Variants in SPOUT1 observed in about 807,000 individuals in gnomAD.
The protein encoded by SPOUT1 is 28S rRNA (uridine-N(3))-methyltransferase.
A neutral mutation model predicts 54.8 loss-of-function variants in SPOUT1; 40 were observed. That is an observed-to-expected ratio of 0.73 (90% CI 0.57 to 0.95). The LOEUF (loss-of-function observed/expected upper bound fraction) is 0.95. Among genes scored for constraint, SPOUT1 ranks in the 40% least tolerant of loss-of-function variants. SPOUT1 has a pLI of 0.00. For missense variants in SPOUT1, 437 were observed against 499.5 expected, an observed-to-expected ratio of 0.87 and a Z score of 1.19; for synonymous variants, 193 against 200.3, an observed-to-expected ratio of 0.96 and a Z score of 0.31.
Position 128,826,232 on chromosome 9 carries a change from G to C in SPOUT1, c.509-80C>G, listed in dbSNP as rs1047667954. 3.8e-6 allele frequency: 6 copies of C among 1,559,020 alleles called. No individual in the cohort carries two copies. Among genetic ancestry groups the C allele is most frequent in the Non-Finnish European group, 4.4e-6 (5 of 1,144,038 alleles). On this transcript the variant is annotated intron_variant, in intron 6 of 11. Coordinates refer to ENST00000361256, the MANE Select transcript of SPOUT1 (RefSeq NM_016390.4). This position sits in a 1 kb window ranked among gnomAD's most constrained non-coding sequence, Gnocchi z 5.5. ...GTGGGGACCCTGGAGCGGAGTACCG[G>C]CTCTGCCACAGACCTGCGTCTTGGC... is the stretch of plus-strand genomic sequence containing the variant.
Position 128,824,183 on chromosome 9 carries a change from G to GCACCAGCTCA in SPOUT1, c.812-10_812-9insTGAGCTGGTG. On this transcript the variant is annotated splice_polypyrimidine_tract_variant and intron_variant, in intron 9 of 11. Coordinates refer to ENST00000361256, the MANE Select transcript of SPOUT1 (RefSeq NM_016390.4). ...CTCAGCAAACACAGCACCTGGGGGT[G>GCACCAGCTCA]GGGCCAGCTCAGTGCAGGTCCTGCT... The GCACCAGCTCA allele has an allele frequency of 1.3e-6, 2 of 1,582,138 alleles. No individual in the cohort carries two copies. The highest frequency in any genetic ancestry group is 1.7e-6 in the Non-Finnish European group (2 of 1,152,006).
chr9:128,824,353 T>C (rs2977992), intron 9 of SPOUT1, among the ~76,000 whole-genome samples, 179 bp from the exon 10 acceptor site: 148,281 of 151,098 alleles, frequency 0.98, 72,819 homozygotes, highest in Middle Eastern at 1. Flanking sequence ...TGTGTGTGCA[T>C]TGAGGCAGGG....
Position 128,820,672 on chromosome 9 carries a change from G to A in SPOUT1, c.*2093C>T. The stretch of plus-strand genomic sequence containing the variant: ...GCCTGTCCATCCCCTCAGGACCTGG[G>A]GCGGCCCTCTGATAGAGGAGGAAGG... On this transcript the variant is annotated 3_prime_UTR_variant, in exon 12 of 12. Coordinates refer to ENST00000361256, the MANE Select transcript of SPOUT1 (RefSeq NM_016390.4). 7.4e-7 allele frequency: 1 copy of A among 1,358,906 alleles called. No homozygotes were observed. Among genetic ancestry groups the A allele is most frequent in the South Asian group, 1.2e-5 (1 of 80,558 alleles). The allele number at this position is 1,358,906 out of a possible 1,614,324, so 84.2% of individuals were successfully genotyped here.
chr9:128,829,611 G>A, intron 1 of SPOUT1, 134 bp downstream of exon 1: 1 of 695,724 alleles, frequency 1.4e-6, no homozygotes, highest in East Asian at 2.8e-5. Context: ...CGGCACCTTC[G>A]GGGGCTTCCG....
chr9:128,825,912 C>G lies in SPOUT1; in HGVS notation c.639+110G>C. ...ACAATTCTCTGGCCCAAATTTGCAT[C>G]AGTGAGGGATTTCGGGCAGGTCCAG... On this transcript the variant is annotated intron_variant, in intron 7 of 11. Coordinates refer to ENST00000361256, the MANE Select transcript of SPOUT1 (RefSeq NM_016390.4). 2.1e-6 allele frequency: 3 copies of G among 1,402,068 alleles called. No individual in the cohort carries two copies. The South Asian group carries it at 3.8e-5, about 18-fold the overall frequency. 86.9% of individuals were successfully genotyped at this position (1,402,068 alleles called of 1,614,324 possible). A position where few individuals can be genotyped will look rare whatever the true frequency, so the allele number is the denominator to read the frequency against.
chr9:128,822,718 C>G lies in SPOUT1; in HGVS notation c.*47G>C, dbSNP rs1330934663. ...TCCGTCCCAAGTGACCTGCAGAGCC[C>G]CTGGTTTCACTGCTGCTTCACTGAT... On this transcript the variant is annotated 3_prime_UTR_variant, in exon 12 of 12. Coordinates refer to ENST00000361256, the MANE Select transcript of SPOUT1 (RefSeq NM_016390.4). The G allele has an allele frequency of 6.4e-7, 1 of 1,555,868 alleles. No individual in the cohort carries two copies. Among genetic ancestry groups the G allele is most frequent in the Non-Finnish European group, 8.7e-7 (1 of 1,149,044 alleles).
chr9:128,822,021 C>G lies in SPOUT1; in HGVS notation c.*744G>C, dbSNP rs1200473115. 2 of 397,596 alleles carry G rather than the reference C, an allele frequency of 5.0e-6. No homozygotes were observed. The highest frequency in any genetic ancestry group is 4.1e-5 in the African/African-American group (2 of 49,114). The allele number at this position is 397,596 out of a possible 1,614,324, so 24.6% of individuals were successfully genotyped here. A position where few individuals can be genotyped will look rare whatever the true frequency, so the allele number is the denominator to read the frequency against. On this transcript the variant is annotated 3_prime_UTR_variant, in exon 12 of 12. Coordinates refer to ENST00000361256, the MANE Select transcript of SPOUT1 (RefSeq NM_016390.4). ...GCTCACCTCTGTGGGGAGAGATGGA[C>G]AGTCGTTAAGTCTCCCCTCAGACGA...
In SPOUT1 at chr9:128,824,178, G is replaced by C. The variant is rs752532982; in HGVS notation, c.812-4C>G. On this transcript the variant is annotated splice_region_variant and splice_polypyrimidine_tract_variant and intron_variant, in intron 9 of 11. Coordinates refer to ENST00000361256, the MANE Select transcript of SPOUT1 (RefSeq NM_016390.4). ...GGGGCCTCAGCAAACACAGCACCTG[G>C]GGGTGGGGCCAGCTCAGTGCAGGTC... 12 of 1,596,422 alleles carry C rather than the reference G, an allele frequency of 7.5e-6. No homozygotes were observed. Among genetic ancestry groups the C allele is most frequent in the Middle Eastern group, 1.7e-4 (1 of 6,032 alleles).
rs1205492903 is a variant in SPOUT1, at chr9:128,827,262, GT to G, written c.209-72del. On this transcript the variant is annotated intron_variant, in intron 3 of 11. Coordinates refer to ENST00000361256, the MANE Select transcript of SPOUT1 (RefSeq NM_016390.4). ...CCCCTACCTTTCTCTCCCTTCCTCT[GT>G]CCCTAGCGCCCATGGTTTGAGAATT... 70 of 1,406,128 alleles carry G rather than the reference GT, an allele frequency of 5.0e-5. 1 individual carries two copies. Among genetic ancestry groups the G allele is most frequent in the Non-Finnish European group, 4.8e-6 (5 of 1,033,608 alleles). The allele number at this position is 1,406,128 out of a possible 1,614,324, so 87.1% of individuals were successfully genotyped here. A position where few individuals can be genotyped will look rare whatever the true frequency, so the allele number is the denominator to read the frequency against.
rs1830089689 is a variant in SPOUT1, at chr9:128,820,548, A to T, written c.*2217T>A. On this transcript the variant is annotated 3_prime_UTR_variant, in exon 12 of 12. Coordinates refer to ENST00000361256, the MANE Select transcript of SPOUT1 (RefSeq NM_016390.4). ...GACACCTGGGCTGTGGGAGGGACAG[A>T]GGGTGGTGGCTAGCACTCTATCAGC... is the stretch of plus-strand genomic sequence containing the variant. The T allele has an allele frequency of 1.7e-6, 1 of 588,796 alleles. No homozygotes were observed. Among genetic ancestry groups the T allele is most frequent in the Admixed American group, 3.0e-5 (1 of 33,780 alleles). 36.5% of individuals were successfully genotyped at this position (588,796 alleles called of 1,614,324 possible).
rs543919689 is a variant in SPOUT1, at chr9:128,822,590, A to G, written c.*175T>C. On this transcript the variant is annotated 3_prime_UTR_variant, in exon 12 of 12. Transcript: ENST00000361256. Reference sequence around the variant, plus strand: ...GGCGCGGGCAGGCAGCCTCAAGGCCATCACGGCGGGCAGTAAGTGAGGGTG... The same window carrying G: ...GGCGCGGGCAGGCAGCCTCAAGGCCGTCACGGCGGGCAGTAAGTGAGGGTG... 1.9e-6 allele frequency: 3 copies of G among 1,569,888 alleles called. No homozygotes were observed. The highest frequency in any genetic ancestry group is 2.3e-5 in the East Asian group (1 of 43,156).
At position 128,822,781 on chromosome 9, in the gene SPOUT1, C is replaced by T; in HGVS notation, c.1115G>A (p.Gly372Asp). The change falls in exon 12 of 12, where the codon GGT (glycine) becomes GAT (aspartate). Residue 372 changes from glycine (G) to aspartate (D), a missense_variant. Coordinates refer to ENST00000361256, the MANE Select transcript of SPOUT1 (RefSeq NM_016390.4). Reference protein sequence around the residue: ...AALQPGLIQAGARHT With the variant: ...AALQPGLIQADARHT Reference sequence around the variant, plus strand: ...TTAGAACTTTCAGGTGTGCCGGGCACCCGCCTGGATGAGGCCAGGCTGCAG... The same window carrying T: ...TTAGAACTTTCAGGTGTGCCGGGCATCCGCCTGGATGAGGCCAGGCTGCAG... The T allele has an allele frequency of 6.3e-7, 1 of 1,584,254 alleles. No homozygotes were observed. Among genetic ancestry groups the T allele is most frequent in the South Asian group, 1.2e-5 (1 of 86,814 alleles).
chr9:128,820,837 C>T lies in SPOUT1; in HGVS notation c.*1928G>A. ...ACGTCTATGTCTGCACAGGGCCACT[C>T]TTCCTGCCCAGGTAAGGTGGAAACC... On this transcript the variant is annotated 3_prime_UTR_variant, in exon 12 of 12. Coordinates refer to ENST00000361256, the MANE Select transcript of SPOUT1 (RefSeq NM_016390.4). The T allele has an allele frequency of 6.2e-7, 1 of 1,609,082 alleles. No homozygotes were observed. The highest frequency in any genetic ancestry group is 1.3e-5 in the African/African-American group (1 of 74,942).
intron 11 of SPOUT1, 39 bp from the exon 12 acceptor site, chr9:128,822,872 G>T (rs368048038): frequency 6.8e-7 from 1 of 1,461,684 alleles, no homozygotes; most frequent in Non-Finnish European, 9.4e-7. Flanking sequence ...GGCCTGGGGG[G>T]CTAGCGGGTG....
intron 7 of SPOUT1, 59 bp downstream of exon 7, chr9:128,825,963 G>A (rs1306720571): frequency 1.9e-6 from 3 of 1,606,542 alleles, no homozygotes; most frequent in Non-Finnish European, 2.6e-6. Context: ...CCATCTGCTT[G>A]CCCTCCATTG....
In SPOUT1 at chr9:128,828,754, C is replaced by G; in HGVS notation, c.189G>C (p.Ala63=). 6.2e-7 allele frequency: 1 copy of G among 1,613,974 alleles called. No individual in the cohort carries two copies. Among genetic ancestry groups the G allele is most frequent in the Non-Finnish European group, 8.5e-7 (1 of 1,180,030 alleles). ...QAKRLEEEEA[A]AEKEDRGRPY... ...GCTCACCGCGGTCCTCCTTCTCTGC[C>G]GCTGCCTCCTCCTCTTCCAGGCGCT... The change falls in exon 3 of 12, where the codon GCG becomes GCC. Residue 63 remains alanine (A), a synonymous_variant. Coordinates refer to ENST00000361256, the MANE Select transcript of SPOUT1 (RefSeq NM_016390.4).
Position 128,822,049 on chromosome 9 carries a change from G to A in SPOUT1, c.*716C>T, listed in dbSNP as rs2132583869. 1 of 491,746 alleles carries A rather than the reference G, an allele frequency of 2.0e-6. No individual in the cohort carries two copies. The highest frequency in any genetic ancestry group is 3.7e-6 in the Non-Finnish European group (1 of 269,616). The allele number at this position is 491,746 out of a possible 1,614,324, so 30.5% of individuals were successfully genotyped here. A position where few individuals can be genotyped will look rare whatever the true frequency, so the allele number is the denominator to read the frequency against. ...TCGTTAAGTCTCCCCTCAGACGAAT[G>A]TGAATATTCAGAAGGCTCGATTCTC... On this transcript the variant is annotated 3_prime_UTR_variant, in exon 12 of 12. Coordinates refer to ENST00000361256, the MANE Select transcript of SPOUT1 (RefSeq NM_016390.4).
At chr9:128,823,974 A>C (rs1589592986) in intron 10 of SPOUT1, 80 bp from the exon 11 acceptor site, 1 of 1,581,020 alleles carries the variant, frequency 6.3e-7, no homozygotes, top group Middle Eastern at 1.8e-4. Flanking sequence ...GTCCCTCCCC[A>C]CCCCAGACAG....
chr9:128,828,133 C>T (rs770531960), intron 3 of SPOUT1, among the ~76,000 whole-genome samples: 2 of 152,088 alleles, frequency 1.3e-5, no homozygotes, highest in Non-Finnish European at 2.9e-5. Context: ...TTAAAGCACA[C>T]AGAAAATGCT....
Sources: gnomAD v4.1 joint callset for allele counts (sites outside exome capture counted in the v4.1 genomes callset) on GRCh38, gnomAD v4.1.1 for gene constraint, Gnocchi (gnomAD v3.1) non-coding constraint, MANE v1.5 for transcripts, NCBI Gene and HGNC (gene_info 2026-07-23, HGNC 2026-07-21) for gene names.